POP1: variants seen among roughly 807,000 people sequenced by gnomAD.
POP1 encodes the protein POP1 ribonuclease P/MRP subunit.
In POP1, 75 loss-of-function variants were observed where a neutral mutation model predicts 102.2. That is an observed-to-expected ratio of 0.73 (90% CI 0.61 to 0.89). The LOEUF is 0.89. POP1 is among the 40% of genes least tolerant of loss of function. The probability of loss-of-function intolerance (pLI) is 0.00; values close to 1 mark genes in which losing one functional copy is unlikely to be tolerated. For synonymous variants in POP1, 436 were observed against 464.1 expected (o/e 0.94, Z 0.78); for missense variants, 1,116 against 1,267.4 (o/e 0.88, Z 1.81).
chr8:98,129,361 T>G (rs1452559997), intron 4 of POP1, among the ~76,000 whole-genome samples: 1 of 152,230 alleles, frequency 6.6e-6, no homozygotes, highest in African/African-American at 2.4e-5. Context: ...CTTTACTAAT[T>G]GGTTTAAAAC....
rs773962590 is a variant in POP1 at position 98,140,086 on chromosome 8, G to C, written c.1371G>C (p.Glu457Asp). The change falls in exon 10 of 16, where the codon GAG (glutamate) becomes GAC (aspartate). Residue 457 changes from glutamate (E) to aspartate (D), a missense_variant. By Grantham distance (45) the Glu-to-Asp change is conservative. Coordinates refer to ENST00000401707, the MANE Select transcript of POP1 (RefSeq NM_001145860.2). ...IKAASVHTVG[E>D]DTEETPHRWW... ...TAGTTGTTATTTTTCAGGTGGGAGA[G>C]GACACAGAGGAGACACCTCACCGCT... 6.2e-7 allele frequency: 1 copy of C among 1,613,296 alleles called. No individual in the cohort carries two copies. The highest frequency in any genetic ancestry group is 8.5e-7 in the Non-Finnish European group (1 of 1,179,356).
At chr8:98,120,746 A>G (rs767882797) in intron 1 of POP1, among the ~76,000 whole-genome samples, 1 of 151,360 alleles carries the variant, frequency 6.6e-6, no homozygotes, top group East Asian at 2.0e-4. Flanking sequence ...TACCGGGTTC[A>G]CGCCATTCTC....
At chr8:98,137,075 C>G in intron 9 of POP1, 121 bp downstream of exon 9, 1 of 786,632 alleles carries the variant, frequency 1.3e-6, no homozygotes, top group African/African-American at 1.7e-5. Context: ...TATTTCCCTA[C>G]TTATTATGCT....
chr8:98,134,142 T>C, intron 6 of POP1, 106 bp downstream of exon 6: 3 of 855,742 alleles, frequency 3.5e-6, no homozygotes, highest in Non-Finnish European at 5.9e-6. Context: ...TATAGAAAAG[T>C]GTGTGAGACA....
chr8:98,127,554 C>T lies in POP1; in HGVS notation c.143-41C>T, dbSNP rs373875547. The T allele has an allele frequency of 4.3e-6, 7 of 1,610,220 alleles. No individual in the cohort carries two copies. In the African/African-American group the frequency reaches 9.4e-5, roughly 22 times the overall value. On this transcript the variant is annotated intron_variant, in intron 2 of 15. Coordinates refer to ENST00000401707, the MANE Select transcript of POP1 (RefSeq NM_001145860.2). Reference sequence around the variant, plus strand: ...ATTAGTTCTCCACTATAATGTTTATCTCTGATAAAGGTGACATGTTTCTTT... The same window carrying T: ...ATTAGTTCTCCACTATAATGTTTATTTCTGATAAAGGTGACATGTTTCTTT...
intron 15 of POP1, 33 bp downstream of exon 15, chr8:98,156,445 ATTAT>A: frequency 1.2e-6 from 2 of 1,612,102 alleles, no homozygotes; most frequent in South Asian, 1.1e-5. Flanking sequence ...TACATTTTGG[ATTAT>A]TTATTTTAAT....
chr8:98,129,574 TA>T (rs1277405275), intron 4 of POP1, among the ~76,000 whole-genome samples: 1 of 152,218 alleles, frequency 6.6e-6, no homozygotes. Flanking sequence ...TTTTTGGTCT[TA>T]AGTTTTTGGT....
intron 1 of POP1, among the ~76,000 whole-genome samples, chr8:98,122,889 C>T (rs1395312183): frequency 8.6e-5 from 13 of 152,044 alleles, no homozygotes; most frequent in African/African-American, 3.1e-4. Flanking sequence ...CTGTTTTTGT[C>T]CTTTATCTTG....
chr8:98,126,345 T>G (rs1017602456), intron 2 of POP1, among the ~76,000 whole-genome samples: 1 of 152,052 alleles, frequency 6.6e-6, no homozygotes, highest in Non-Finnish European at 1.5e-5. Flanking sequence ...AATCCAAAAC[T>G]TTTTGAGCGC....
chr8:98,126,134 C>T lies in POP1; in HGVS notation c.143-1461C>T, dbSNP rs557539236. 2.6e-5 allele frequency among the ~76,000 whole-genome samples: 4 copies of T among 152,044 alleles called. No individual in the cohort carries two copies. The East Asian group carries it at 7.7e-4, about 29-fold the overall frequency. On this transcript the variant is annotated intron_variant, in intron 2 of 15. Transcript: ENST00000401707. ...AAAGTTCTGGGATTAGAGGTGTGAG[C>T]CACCACATCCATCCTGGAACTTTGC...
chr8:98,136,632 G>A lies in POP1; in HGVS notation c.1162G>A (p.Asp388Asn). The A allele has an allele frequency of 6.2e-7, 1 of 1,613,986 alleles. No individual in the cohort carries two copies. The highest frequency in any genetic ancestry group is 8.5e-7 in the Non-Finnish European group (1 of 1,179,924). ...EKIGKKRKRK[D>N]DGENAKPIKK... ...AATTGGCAAGAAAAGAAAAAGGAAA[G>A]ATGATGGAGAAAATGCTAAACCAAT... Residue 388 changes from aspartate (D) to asparagine (N), a missense_variant, in exon 8 of 16, where the codon GAT becomes AAT. Transcript: ENST00000401707.
At chr8:98,137,943 T>C (rs902437954) in intron 9 of POP1, among the ~76,000 whole-genome samples, 3 of 152,230 alleles carry the variant, frequency 2.0e-5, no homozygotes, top group Non-Finnish European at 4.4e-5. Context: ...CTCACTGACT[T>C]GACGTGGTCA....
intron 1 of POP1, among the ~76,000 whole-genome samples, chr8:98,120,563 C>T (rs1160861695): frequency 6.6e-6 from 1 of 152,244 alleles, no homozygotes; most frequent in South Asian, 2.1e-4. Flanking sequence ...TCTCCGCCTC[C>T]TGGGTTCAAA....
At chr8:98,132,154 A>G (rs1034437383) in intron 5 of POP1, among the ~76,000 whole-genome samples, 1 of 152,242 alleles carries the variant, frequency 6.6e-6, no homozygotes, top group African/African-American at 2.4e-5. Context: ...AGTGCTTAAT[A>G]TATGCCCTAC....
chr8:98,144,053 G>A (rs1198133619), intron 11 of POP1, among the ~76,000 whole-genome samples: 1 of 151,872 alleles, frequency 6.6e-6, no homozygotes, highest in Non-Finnish European at 1.5e-5. Flanking sequence ...CTACTTGGGA[G>A]GCCAAGGCAG....
chr8:98,141,510 A>C (rs1258267724), intron 11 of POP1, among the ~76,000 whole-genome samples: 1 of 152,124 alleles, frequency 6.6e-6, no homozygotes, highest in Admixed American at 6.6e-5. Context: ...TAAAATTACC[A>C]TGTGAGTCTT....
chr8:98,153,982 G>A (rs1434213955), intron 14 of POP1, among the ~76,000 whole-genome samples: 2 of 152,192 alleles, frequency 1.3e-5, no homozygotes, highest in South Asian at 2.1e-4. Context: ...AGATTCTGCA[G>A]TGGGGGGATT....
Position 98,128,457 on chromosome 8 carries a change from C to T in POP1, c.403C>T (p.Leu135=). 1 of 1,614,058 alleles carries T rather than the reference C, an allele frequency of 6.2e-7. No homozygotes were observed. ...TTCGAATTCACTGGTTTTTCAGACT[C>T]TGCCACGGCACATGCGACGAAGAGC... The part of the protein sequence containing the change: ...KSSNSLVFQT[L]PRHMRRRAMS... Residue 135 remains leucine, a synonymous_variant, in exon 4 of 16, where the codon CTG becomes TTG. Transcript: ENST00000401707.
At position 98,134,572 on chromosome 8, in the gene POP1, T is replaced by TA. The variant is rs769812078; in HGVS notation, c.925dup (p.Thr309AsnfsTer12). On this transcript the variant is annotated frameshift_variant, in exon 7 of 16. Transcript: ENST00000401707. LOFTEE classifies it high-confidence loss of function. ...ATCCCAGAGAAATGCTTGGGCCTGT[T>TA]ACGTTTATCTGGAAGTCCCAGAGGA... is the stretch of plus-strand genomic sequence containing the variant. 3.0e-5 allele frequency: 48 copies of TA among 1,614,056 alleles called. No homozygotes were observed. In the African/African-American group the frequency reaches 4.7e-4, roughly 16 times the overall value.
Sources: gnomAD v4.1 joint callset for allele counts (sites outside exome capture counted in the v4.1 genomes callset) on GRCh38, gnomAD v4.1.1 for gene constraint, MANE v1.5 for transcripts, NCBI Gene and HGNC (gene_info 2026-07-23, HGNC 2026-07-21) for gene names.